The following NELL1 variants were observed in gnomAD, a reference collection of about 807,000 sequenced individuals.
NELL1 encodes the protein protein kinase C-binding protein NELL1.
Under a neutral mutation model 107.4 loss-of-function variants are expected in NELL1, and 76 were observed. The ratio of observed to expected loss-of-function variants is 0.71; its 90% CI spans 0.59 to 0.86. The LOEUF (loss-of-function observed/expected upper bound fraction) is 0.86. Among genes scored for constraint, NELL1 ranks in the 40% least tolerant of loss-of-function variants. The pLI, the probability that NELL1 is intolerant of heterozygous loss-of-function variation, is 0.00. For missense variants in NELL1, 1,024 were observed against 1,005.5 expected (o/e 1.02, Z -0.25); for synonymous variants, 353 against 341.2 (o/e 1.03, Z -0.38).
intron 2 of NELL1, among the ~76,000 whole-genome samples, chr11:20,729,396 G>A (rs1421290235): frequency 2.6e-5 from 4 of 152,034 alleles, no homozygotes; most frequent in Non-Finnish European, 5.9e-5. Flanking sequence ...GTTCTCAAGG[G>A]GAATGCTTCT....
intron 11 of NELL1, among the ~76,000 whole-genome samples, chr11:20,954,699 C>A (rs1044042609): frequency 7.9e-5 from 12 of 152,114 alleles, no homozygotes; most frequent in African/African-American, 2.9e-4. Flanking sequence ...ATAAAGGCCT[C>A]CATTAATTTA....
chr11:21,282,883 A>G (rs1375230004), intron 14 of NELL1, among the ~76,000 whole-genome samples: 2 of 152,230 alleles, frequency 1.3e-5, no homozygotes, highest in African/African-American at 4.8e-5. Context: ...CAACATGAAT[A>G]GAACTGGAGG....
intron 15 of NELL1, among the ~76,000 whole-genome samples, chr11:21,513,117 A>G (rs1383460191): frequency 6.6e-6 from 1 of 152,186 alleles, no homozygotes; most frequent in Non-Finnish European, 1.5e-5. Flanking sequence ...GAAGTTGCAC[A>G]GAAGAGGTAC....
At chr11:21,424,620 C>CAAAA (rs1241261284) in intron 15 of NELL1, among the ~76,000 whole-genome samples, 5 of 151,914 alleles carry the variant, frequency 3.3e-5, no homozygotes, top group Non-Finnish European at 5.9e-5. Flanking sequence ...GACTCTATCT[C>CAAAA]AAAAACAAAC....
chr11:21,257,577 T>G (rs2133918225), intron 14 of NELL1, among the ~76,000 whole-genome samples: 1 of 152,084 alleles, frequency 6.6e-6, no homozygotes, highest in African/African-American at 2.4e-5. Flanking sequence ...ACTGATGAAC[T>G]GATTTGGAGG....
At chr11:20,958,822 T>C (rs754472287) in intron 11 of NELL1, among the ~76,000 whole-genome samples, 1 of 152,190 alleles carries the variant, frequency 6.6e-6, no homozygotes, top group Non-Finnish European at 1.5e-5. Flanking sequence ...AGAAGGTTTT[T>C]TAGCAGCTTT....
intron 4 of NELL1, among the ~76,000 whole-genome samples, chr11:20,848,736 A>G (rs1467922122): frequency 6.6e-6 from 1 of 152,194 alleles, no homozygotes; most frequent in Non-Finnish European, 1.5e-5. Context: ...AAGGTCAGTC[A>G]GCTTCAGACC....
At chr11:21,140,112 C>A (rs149071181) in intron 13 of NELL1, among the ~76,000 whole-genome samples, 1 of 152,292 alleles carries the variant, frequency 6.6e-6, no homozygotes, top group Non-Finnish European at 1.5e-5. Context: ...AACACCGTGA[C>A]TGGCAGATAC....
In NELL1 at chr11:21,534,357, G is replaced by A. The variant is rs769805449; in HGVS notation, c.1646-17G>A. 21 of 1,613,604 alleles carry A rather than the reference G, an allele frequency of 1.3e-5. No individual in the cohort carries two copies. Among genetic ancestry groups the A allele is most frequent in the Admixed American group, 5.0e-5 (3 of 59,982 alleles). Reference sequence around the variant, plus strand: ...GAAATTAATATCCTGGTGGGCTTGTGTTTTTCTCTGAGGCAGATATTGATG... The same window carrying A: ...GAAATTAATATCCTGGTGGGCTTGTATTTTTCTCTGAGGCAGATATTGATG... On this transcript the variant is annotated splice_polypyrimidine_tract_variant and intron_variant, in intron 15 of 19. Coordinates refer to ENST00000357134, the MANE Select transcript of NELL1 (RefSeq NM_006157.5).
At chr11:21,222,209 T>G (rs1378651418) in intron 13 of NELL1, among the ~76,000 whole-genome samples, 1 of 152,086 alleles carries the variant, frequency 6.6e-6, no homozygotes, top group African/African-American at 2.4e-5. Context: ...TGAGAGAGTC[T>G]TGCTCTGTCG....
intron 13 of NELL1, among the ~76,000 whole-genome samples, chr11:21,217,858 G>C (rs539860462): frequency 2.7e-4 from 41 of 152,226 alleles, no homozygotes; most frequent in African/African-American, 9.4e-4. Flanking sequence ...GGTTTACTAA[G>C]GACAGCAATG....
rs573611580 is a variant in NELL1 at position 20,960,666 on chromosome 11, G to A, written c.1300+106G>A. ...AACTATCACTTGGCTGTGGTCCTATGCAATCCTATAAGAAATCATATCAAT... is the reference window on the plus strand; with the variant it reads ...AACTATCACTTGGCTGTGGTCCTATACAATCCTATAAGAAATCATATCAAT... On this transcript the variant is annotated intron_variant, in intron 12 of 19. Transcript: ENST00000357134. 3.6e-4 allele frequency: 449 copies of A among 1,255,998 alleles called. 1 individual carries two copies. The highest frequency in any genetic ancestry group is 3.6e-4 in the Non-Finnish European group (320 of 889,942). 77.8% of individuals were successfully genotyped at this position (1,255,998 alleles called of 1,614,324 possible). A position where few individuals can be genotyped will look rare whatever the true frequency, so the allele number is the denominator to read the frequency against.
chr11:21,084,167 G>A (rs939833740), intron 12 of NELL1, among the ~76,000 whole-genome samples: 1 of 152,080 alleles, frequency 6.6e-6, no homozygotes, highest in African/African-American at 2.4e-5. Context: ...GTTTGTCCAC[G>A]ATTGCCGTTG....
At chr11:21,497,371 G>C (rs1212962410) in intron 15 of NELL1, among the ~76,000 whole-genome samples, 3 of 152,102 alleles carry the variant, frequency 2.0e-5, no homozygotes, top group East Asian at 3.9e-4. Flanking sequence ...CTTTTCCTCT[G>C]GTCATATCCC....
Position 21,212,006 on chromosome 11 carries a change from A to G in NELL1, c.1427-17326A>G, listed in dbSNP as rs1319047374. Among the ~76,000 whole-genome samples the G allele has an allele frequency of 1.6e-4, 24 of 151,994 alleles. 1 individual carries two copies. The highest frequency in any genetic ancestry group is 1.6e-3 in the Admixed American group (24 of 15,248). On this transcript the variant is annotated intron_variant, in intron 13 of 19. Transcript: ENST00000357134. The stretch of plus-strand genomic sequence containing the variant: ...ACACCTGGCTAATTTTTGTATTTTT[A>G]GTAGAGATGGGGTTTCACCATGTTG...
At chr11:21,401,331 T>C (rs1320282672) in intron 15 of NELL1, among the ~76,000 whole-genome samples, 1 of 151,800 alleles carries the variant, frequency 6.6e-6, no homozygotes, top group African/African-American at 2.4e-5. Flanking sequence ...AAACAGATAA[T>C]TAAAAGGAGC....
At chr11:21,020,352 A>G (rs912827110) in intron 12 of NELL1, among the ~76,000 whole-genome samples, 3 of 152,102 alleles carry the variant, frequency 2.0e-5, no homozygotes, top group African/African-American at 7.2e-5. Flanking sequence ...GTGGGAAATC[A>G]CAAGTGCTCT....
chr11:21,520,611 A>G (rs892893956), intron 15 of NELL1, among the ~76,000 whole-genome samples: 3 of 152,142 alleles, frequency 2.0e-5, no homozygotes, highest in African/African-American at 4.8e-5. Flanking sequence ...GAGCCCCAAC[A>G]CTTGTACATT....
chr11:21,259,083 C>A (rs1351790902), intron 14 of NELL1, among the ~76,000 whole-genome samples: 1 of 151,778 alleles, frequency 6.6e-6, no homozygotes, highest in Non-Finnish European at 1.5e-5. Context: ...TTATATTGTT[C>A]CTATAGAAGC....
Sources: gnomAD v4.1 joint callset for allele counts (sites outside exome capture counted in the v4.1 genomes callset) on GRCh38, gnomAD v4.1.1 for gene constraint, MANE v1.5 for transcripts, NCBI Gene and HGNC (gene_info 2026-07-23, HGNC 2026-07-21) for gene names.